FMN2: variants seen among roughly 807,000 people sequenced by gnomAD.
The protein encoded by FMN2 is formin 2.
In FMN2, 51 loss-of-function variants were observed where a neutral mutation model predicts 142.3. That is an observed-to-expected ratio of 0.36 (90% CI 0.29 to 0.45). The LOEUF (loss-of-function observed/expected upper bound fraction) is 0.45. FMN2 is among the 20% of genes least tolerant of loss of function. FMN2 has a pLI of 1.00. For missense variants in FMN2, 1,936 were observed against 2,122.8 expected (o/e 0.91, Z 1.73); for synonymous variants, 882 against 869.8 (o/e 1.01, Z -0.25).
At chr1:240,166,231 T>G (rs1382307044) in intron 2 of FMN2, among the ~76,000 whole-genome samples, 1 of 151,462 alleles carries the variant, frequency 6.6e-6, no homozygotes, top group Non-Finnish European at 1.5e-5. Flanking sequence ...GTATTATTAT[T>G]ATTAATTTTT....
intron 16 of FMN2, among the ~76,000 whole-genome samples, chr1:240,446,734 C>T (rs999612935): frequency 6.6e-6 from 1 of 152,096 alleles, no homozygotes; most frequent in African/African-American, 2.4e-5. Flanking sequence ...GTTAGGTTTG[C>T]GTGGACTTCT....
intron 5 of FMN2, 62 bp from the exon 6 acceptor site, chr1:240,211,029 A>T: frequency 6.7e-7 from 1 of 1,484,870 alleles, no homozygotes; most frequent in Non-Finnish European, 9.1e-7. Context: ...CTTTCTATTT[A>T]TGCTTGCTGT....
chr1:240,270,505 T>C (rs1668963802), intron 7 of FMN2, among the ~76,000 whole-genome samples: 1 of 152,086 alleles, frequency 6.6e-6, no homozygotes, highest in Non-Finnish European at 1.5e-5. Context: ...TCAGTAGTAC[T>C]GCAACAGCAC....
chr1:240,291,137 A>G (rs1377606744), intron 7 of FMN2, among the ~76,000 whole-genome samples: 1 of 152,038 alleles, frequency 6.6e-6, no homozygotes, highest in Non-Finnish European at 1.5e-5. Context: ...ACACGTGGTC[A>G]TTTGTAGGTT....
At chr1:240,299,195 G>A (rs1001006812) in intron 8 of FMN2, among the ~76,000 whole-genome samples, 8 of 151,974 alleles carry the variant, frequency 5.3e-5, no homozygotes, top group African/African-American at 9.7e-5. Context: ...TGATCCACCC[G>A]CCTCGACCTT....
At chr1:240,439,562 T>C (rs1343290780) in intron 16 of FMN2, among the ~76,000 whole-genome samples, 1 of 152,164 alleles carries the variant, frequency 6.6e-6, no homozygotes, top group Non-Finnish European at 1.5e-5. Context: ...CAGTGAATAG[T>C]AGGTGGAAAA....
intron 6 of FMN2, among the ~76,000 whole-genome samples, chr1:240,239,626 T>C (rs1043664532): frequency 1.8e-4 from 27 of 152,212 alleles, no homozygotes; most frequent in African/African-American, 6.5e-4. Flanking sequence ...TTTTCATCTT[T>C]GTGTCTTCAC....
intron 2 of FMN2, among the ~76,000 whole-genome samples, chr1:240,150,328 G>A (rs1323694744): frequency 2.0e-5 from 3 of 152,174 alleles, no homozygotes; most frequent in African/African-American, 7.2e-5. Context: ...TGGAAACTGG[G>A]TAGTCTCTTC....
intron 16 of FMN2, among the ~76,000 whole-genome samples, chr1:240,443,764 T>A (rs1045684833): frequency 2.6e-5 from 4 of 151,142 alleles, no homozygotes; most frequent in East Asian, 2.0e-4. Context: ...AAAAAAAAAA[T>A]TTTTTTTTCA....
intron 6 of FMN2, among the ~76,000 whole-genome samples, chr1:240,241,932 G>A (rs372914532): frequency 7.2e-6 from 1 of 138,904 alleles, no homozygotes; most frequent in African/African-American, 2.6e-5. Flanking sequence ...TGCAAGCTCC[G>A]CCTCCCGGGT....
At chr1:240,260,108 T>G (rs1423113319) in intron 7 of FMN2, among the ~76,000 whole-genome samples, 1 of 152,190 alleles carries the variant, frequency 6.6e-6, no homozygotes, top group Non-Finnish European at 1.5e-5. Flanking sequence ...CTGAGTATTA[T>G]TTCATCATAT....
intron 6 of FMN2, among the ~76,000 whole-genome samples, chr1:240,222,813 G>A (rs1408033522): frequency 6.6e-6 from 1 of 152,164 alleles, no homozygotes. Context: ...TGGTGTATAG[G>A]AATGTTTGTG....
In FMN2 at chr1:240,441,010, T is replaced by C. The variant is rs1336594586; in HGVS notation, c.5060+2800T>C. 1.1e-4 allele frequency among the ~76,000 whole-genome samples: 15 copies of C among 141,826 alleles called. No homozygotes were observed. In the East Asian group the frequency reaches 2.7e-3, roughly 26 times the overall value. 93.0% of individuals were successfully genotyped at this position (141,826 alleles called of 152,430 possible). A position where few individuals can be genotyped will look rare whatever the true frequency, so the allele number is the denominator to read the frequency against. ...TGGTGTAAACTTTTTTTTTTTTTTT[T>C]TTTGAGACATAGTCTCACTCTGTCG... On this transcript the variant is annotated intron_variant, in intron 16 of 17. Coordinates refer to ENST00000319653, the MANE Select transcript of FMN2 (RefSeq NM_020066.5).
intron 4 of FMN2, among the ~76,000 whole-genome samples, chr1:240,195,367 G>A (rs1665873796): frequency 6.6e-6 from 1 of 152,058 alleles, no homozygotes; most frequent in Non-Finnish European, 1.5e-5. Flanking sequence ...TTTACTGTTC[G>A]AAATTGCCTC....
At chr1:240,369,233 T>A (rs1439158378) in intron 14 of FMN2, among the ~76,000 whole-genome samples, 1 of 152,134 alleles carries the variant, frequency 6.6e-6, no homozygotes, top group Non-Finnish European at 1.5e-5. Context: ...ATAAGTGAGA[T>A]CAAGCAATAT....
chr1:240,425,214 A>AGAGAG (rs1456646066), intron 15 of FMN2, among the ~76,000 whole-genome samples: 8 of 151,684 alleles, frequency 5.3e-5, no homozygotes, highest in African/African-American at 1.9e-4. Flanking sequence ...TGAGAGAGAG[A>AGAGAG]GAGAGAGAGA....
chr1:240,145,161 G>T, intron 2 of FMN2: 1 of 1,472,752 alleles, frequency 6.8e-7, no homozygotes, highest in Non-Finnish European at 9.5e-7. Flanking sequence ...AGCGCTGGTC[G>T]ATACAGGGAT....
chr1:240,211,336 TC>T, intron 6 of FMN2, 101 bp downstream of exon 6: 1 of 1,137,054 alleles, frequency 8.8e-7, no homozygotes, highest in Non-Finnish European at 1.3e-6. Flanking sequence ...TGTGTAAACC[TC>T]CATGGATCTT....
chr1:240,126,371 C>A (rs566836349), intron 2 of FMN2, among the ~76,000 whole-genome samples: 7 of 151,500 alleles, frequency 4.6e-5, no homozygotes, highest in African/African-American at 9.7e-5. Flanking sequence ...CCTACCCCCC[C>A]CCACTTTGTT....
Sources: gnomAD v4.1 joint callset for allele counts (sites outside exome capture counted in the v4.1 genomes callset) on GRCh38, gnomAD v4.1.1 for gene constraint, MANE v1.5 for transcripts, NCBI Gene and HGNC (gene_info 2026-07-23, HGNC 2026-07-21) for gene names.